Variants in TBCEL observed in about 807,000 individuals in gnomAD.
TBCEL encodes tubulin-specific chaperone cofactor E-like protein.
A neutral mutation model predicts 44.2 loss-of-function variants in TBCEL; 15 were observed. The observed-to-expected ratio is 0.34, with a 90% CI of 0.23 to 0.52. The LOEUF (loss-of-function observed/expected upper bound fraction) is 0.52, where lower values mean the gene tolerates loss of function less well. TBCEL is among the 20% of genes least tolerant of loss of function. The probability of loss-of-function intolerance (pLI) is 0.95; values close to 1 mark genes in which losing one functional copy is unlikely to be tolerated. For synonymous variants in TBCEL, 171 were observed against 185.4 expected (o/e 0.92, Z 0.63); for missense variants, 319 against 506.3 (o/e 0.63, Z 3.55).
At chr11:121,068,588 A>T (rs879635457) in intron 8 of TBCEL, among the ~76,000 whole-genome samples, 1 of 152,020 alleles carries the variant, frequency 6.6e-6, no homozygotes, top group Non-Finnish European at 1.5e-5. Flanking sequence ...GTTGATTTTT[A>T]AAAAAACAAC....
intron 1 of TBCEL, chr11:121,035,473 AT>A (rs200628314): frequency 1.2e-3 from 173 of 143,302 alleles, no homozygotes; most frequent in Middle Eastern, 3.6e-3. Context: ...ACAAACGTGG[AT>A]TTTTTTTTTT....
At chr11:121,086,055 T>A (rs1282234190) in intron 8 of TBCEL, among the ~76,000 whole-genome samples, 2 of 152,164 alleles carry the variant, frequency 1.3e-5, no homozygotes, top group Non-Finnish European at 2.9e-5. Flanking sequence ...CAGATCTAGA[T>A]CCTCCAGGGC....
At chr11:121,070,790 CAT>C (rs1418978071) in intron 8 of TBCEL, among the ~76,000 whole-genome samples, 1 of 149,692 alleles carries the variant, frequency 6.7e-6, no homozygotes, top group Admixed American at 6.7e-5. Context: ...CAACATGGCA[CAT>C]GTTTGCACGT....
chr11:121,069,773 C>G (rs1945890980), intron 8 of TBCEL, among the ~76,000 whole-genome samples: 1 of 149,884 alleles, frequency 6.7e-6, no homozygotes, highest in African/African-American at 2.5e-5. Flanking sequence ...GCCTGGGCGA[C>G]AAAGCTAGAC....
chr11:121,048,123 C>T (rs1591391584), intron 4 of TBCEL, among the ~76,000 whole-genome samples: 1 of 151,940 alleles, frequency 6.6e-6, no homozygotes, highest in East Asian at 1.9e-4. Context: ...AAACTGCTAA[C>T]AGTGCATTAA....
Position 121,087,581 on chromosome 11 carries a change from A to AT in TBCEL, c.*494dup, listed in dbSNP as rs376175003. 1.7e-3 allele frequency: 253 copies of AT among 148,544 alleles called. 1 individual carries two copies. In the Middle Eastern group the frequency reaches 0.021, roughly 12 times the overall value. 9.2% of individuals were successfully genotyped at this position (148,544 alleles called of 1,614,324 possible). On this transcript the variant is annotated 3_prime_UTR_variant, in exon 9 of 9. Coordinates refer to ENST00000683345, the MANE Select transcript of TBCEL (RefSeq NM_001363644.2). ...TCCTTGGCTTTTTTGGTTCAGTTCC[A>AT]TTTTTTTTTCATTTTGACATGTGGT...
intron 1 of TBCEL, chr11:121,035,953 T>C (rs1378961392): frequency 6.6e-6 from 1 of 152,204 alleles, no homozygotes; most frequent in African/African-American, 2.4e-5. Context: ...TTGTAAGTTA[T>C]GTTTCCATGT....
Position 121,057,517 on chromosome 11 carries a change from T to C in TBCEL, c.713-828T>C, listed in dbSNP as rs765801954. The C allele has an allele frequency of 1.8e-4, 77 of 429,702 alleles. 1 individual carries two copies. Among genetic ancestry groups the C allele is most frequent in the Middle Eastern group, 1.0e-3 (3 of 2,978 alleles). 26.6% of individuals were successfully genotyped at this position (429,702 alleles called of 1,614,324 possible). A position where few individuals can be genotyped will look rare whatever the true frequency, so the allele number is the denominator to read the frequency against. On this transcript the variant is annotated intron_variant, in intron 6 of 8. Coordinates refer to ENST00000683345, the MANE Select transcript of TBCEL (RefSeq NM_001363644.2). ...TTGTTTTAAATTTTAGATCCATCTC[T>C]CCTGTCACCAAATTGATAATACAGT...
At chr11:121,079,297 C>G (rs1023314214) in intron 8 of TBCEL, among the ~76,000 whole-genome samples, 1 of 152,082 alleles carries the variant, frequency 6.6e-6, no homozygotes. Flanking sequence ...TTTTAGGACT[C>G]CCCAAGTGTA....
chr11:121,049,797 A>AT (rs1332152321), intron 4 of TBCEL, among the ~76,000 whole-genome samples: 1 of 151,774 alleles, frequency 6.6e-6, no homozygotes, highest in Non-Finnish European at 1.5e-5. Flanking sequence ...CAGGAGGAAG[A>AT]TGTGTGTAAT....
chr11:121,038,062 C>T (rs1181184843), intron 2 of TBCEL, among the ~76,000 whole-genome samples: 1 of 151,782 alleles, frequency 6.6e-6, no homozygotes, highest in East Asian at 1.9e-4. Flanking sequence ...CGGGTTCAAG[C>T]GATTCTCTTG....
chr11:121,033,637 A>G (rs912350217), intron 1 of TBCEL, among the ~76,000 whole-genome samples: 2 of 152,156 alleles, frequency 1.3e-5, no homozygotes, highest in Admixed American at 1.3e-4. Flanking sequence ...TTTTTCAAAA[A>G]TGTTTATTTT....
chr11:121,086,643 C>T (rs911168716), intron 8 of TBCEL, 135 bp from the exon 9 acceptor site: 9 of 690,048 alleles, frequency 1.3e-5, no homozygotes, highest in African/African-American at 1.1e-4. Context: ...TCACAGAGTC[C>T]ATAGGAGTCA....
At chr11:121,085,697 G>A (rs529917461) in intron 8 of TBCEL, among the ~76,000 whole-genome samples, 1 of 152,006 alleles carries the variant, frequency 6.6e-6, no homozygotes, top group African/African-American at 2.4e-5. Flanking sequence ...TTTAAGAGGT[G>A]AGGTCTTGCT....
intron 3 of TBCEL, among the ~76,000 whole-genome samples, chr11:121,047,229 A>G (rs190523839): frequency 6.6e-6 from 1 of 152,170 alleles, no homozygotes; most frequent in East Asian, 1.9e-4. Context: ...TGATAAGATG[A>G]TAGCGTGGAT....
chr11:121,052,116 G>A (rs1164080573), intron 4 of TBCEL, among the ~76,000 whole-genome samples: 3 of 151,774 alleles, frequency 2.0e-5, no homozygotes, highest in African/African-American at 4.8e-5. Flanking sequence ...CAGTGATTCC[G>A]ATGGGTAGCT....
At chr11:121,077,552 A>G (rs1035843759) in intron 8 of TBCEL, among the ~76,000 whole-genome samples, 1 of 152,054 alleles carries the variant, frequency 6.6e-6, no homozygotes, top group Non-Finnish European at 1.5e-5. Flanking sequence ...CAAATTTGCA[A>G]ACCTTTTTAA....
rs1307613982 is a variant in TBCEL at position 121,086,920 on chromosome 11, G to A, written c.1099G>A (p.Glu367Lys). The change falls in exon 9 of 9, where the codon GAA becomes AAA. Residue 367 changes from glutamate (E) to lysine (K), a missense_variant. By Grantham distance (56) the Glu-to-Lys change is moderately conservative (BLOSUM62 1). Coordinates refer to ENST00000683345, the MANE Select transcript of TBCEL (RefSeq NM_001363644.2). Reference sequence around the variant, plus strand: ...CATTCGTCTGGACCAAACAGTGGCAGAACTAAAGAAACAGTTAAAAACTCT... The same window carrying A: ...CATTCGTCTGGACCAAACAGTGGCAAAACTAAAGAAACAGTTAAAAACTCT... ...MSIRLDQTVA[E>K]LKKQLKTLVQ... 6.2e-7 allele frequency: 1 copy of A among 1,614,068 alleles called. No homozygotes were observed. The highest frequency in any genetic ancestry group is 1.7e-5 in the Admixed American group (1 of 60,014).
At chr11:121,082,353 TC>T (rs1471655214) in intron 8 of TBCEL, among the ~76,000 whole-genome samples, 1 of 152,234 alleles carries the variant, frequency 6.6e-6, no homozygotes, top group Non-Finnish European at 1.5e-5. Context: ...CTTATACTTT[TC>T]ATGTGTGCCA....
Sources: gnomAD v4.1 joint callset for allele counts (sites outside exome capture counted in the v4.1 genomes callset) on GRCh38, gnomAD v4.1.1 for gene constraint, MANE v1.5 for transcripts, NCBI Gene and HGNC (gene_info 2026-07-23, HGNC 2026-07-21) for gene names.